Variants in TREML1 observed in about 807,000 individuals in gnomAD.
TREML1 encodes the protein trem-like transcript 1 protein.
In TREML1, 27 loss-of-function variants were observed where a neutral mutation model predicts 22.8. The ratio of observed to expected loss-of-function variants is 1.19; its 90% confidence interval spans 0.87 to 1.64. The LOEUF (loss-of-function observed/expected upper bound fraction) is 1.64. Ranked by LOEUF, TREML1 falls within the 40% of genes most tolerant of loss-of-function variation. The pLI is 0.00. For synonymous variants in TREML1, 153 were observed against 161.9 expected (o/e 0.94, Z 0.42); for missense variants, 356 against 382.0 (o/e 0.93, Z 0.57).
At chr6:41,151,488 G>A in intron 2 of TREML1, 104 bp from the exon 3 acceptor site, 1 of 1,024,708 alleles carries the variant, frequency 9.8e-7, no homozygotes, top group Non-Finnish European at 1.5e-6. Flanking sequence ...GAGGAGTGGA[G>A]CCAAGGAAGG....
Position 41,150,847 on chromosome 6 carries a change from C to T in TREML1, c.540G>A (p.Leu180=), listed in dbSNP as rs894363205. Residue 180 remains leucine (L), a synonymous_variant, in exon 4 of 6, where the codon CTG becomes CTA. Coordinates refer to ENST00000426005, the MANE Select transcript of TREML1 (RefSeq NM_178174.4). ...LVGLLVAAVV[L]FAVMAKRKQG... ...GTTTCCTCTTGGCCATCACAGCAAA[C>T]AGCACCACCGCTGCCACCAGCAGAC... 2.5e-6 allele frequency: 4 copies of T among 1,614,116 alleles called. No individual in the cohort carries two copies. Among genetic ancestry groups the T allele is most frequent in the African/African-American group, 2.7e-5 (2 of 75,028 alleles).
intron 4 of TREML1, 100 bp downstream of exon 4, chr6:41,150,719 C>T: frequency 9.1e-7 from 1 of 1,094,470 alleles, no homozygotes; most frequent in Admixed American, 1.8e-5. Flanking sequence ...CAGGCAAATC[C>T]ATTTGTAGGG....
At chr6:41,155,374 T>TC (rs1286656354), upstream of TREML1, among the ~76,000 whole-genome samples, 389 of 136,028 alleles carry the variant, frequency 2.9e-3, 3 homozygotes, top group Admixed American at 0.016. Context: ...AGAGTAAACG[T>TC]TTCTCTCTCT....
chr6:41,151,029 A>C, intron 3 of TREML1, 122 bp from the exon 4 acceptor site: 1 of 859,376 alleles, frequency 1.2e-6, no homozygotes, highest in Non-Finnish European at 1.9e-6. Flanking sequence ...ATGAAATAGA[A>C]TGAGGGGAGC....
rs1765340848 is a variant in TREML1 at position 41,153,761 on chromosome 6, G to C, written c.373C>G (p.Pro125Ala). Residue 125 changes from proline to alanine, a missense_variant, in exon 2 of 6, where the codon CCA (proline) becomes GCA (alanine). Physicochemically the swap from Pro to Ala is conservative, Grantham distance 27 (BLOSUM62 -1). Transcript: ENST00000426005. Reference protein sequence around the residue: ...LHRVSLNILPPEEEEETHKIG... With the variant: ...LHRVSLNILPAEEEEETHKIG... ...TAGCTGGCCTAGGATAACTCACCTGGGGGCAGTATGTTCAGAGAGACTCTG... is the reference window on the plus strand; with the variant it reads ...TAGCTGGCCTAGGATAACTCACCTGCGGGCAGTATGTTCAGAGAGACTCTG... 1 of 1,602,894 alleles carries C rather than the reference G, an allele frequency of 6.2e-7. No homozygotes were observed. The highest frequency in any genetic ancestry group is 8.5e-7 in the Non-Finnish European group (1 of 1,173,528).
chr6:41,152,821 C>T (rs1349354723), intron 2 of TREML1, among the ~76,000 whole-genome samples: 2 of 151,844 alleles, frequency 1.3e-5, no homozygotes, highest in South Asian at 2.1e-4. Context: ...TGCAGTGAGC[C>T]GATAGTGCCA....
At chr6:41,151,808 A>G (rs912053012) in intron 2 of TREML1, among the ~76,000 whole-genome samples, 1 of 152,148 alleles carries the variant, frequency 6.6e-6, no homozygotes, top group African/African-American at 2.4e-5. Flanking sequence ...ATGGTGACAT[A>G]GCTCCTGGAT....
upstream of TREML1, among the ~76,000 whole-genome samples, chr6:41,154,536 T>C (rs1765372831): frequency 6.6e-6 from 1 of 152,100 alleles, no homozygotes; most frequent in Admixed American, 6.5e-5. Flanking sequence ...CTGCAGGGGC[T>C]GGGGCCCGGC....
intron 4 of TREML1, 128 bp downstream of exon 4, chr6:41,150,691 G>C (rs1561872832): frequency 5.1e-6 from 4 of 784,980 alleles, no homozygotes; most frequent in Non-Finnish European, 6.5e-6. Context: ...AGGATATGGG[G>C]GCCTTGAGAC....
rs747762092 is a variant in TREML1 at position 41,149,917 on chromosome 6, T to C, written c.623A>G (p.Asn208Ser). The C allele has an allele frequency of 9.3e-6, 15 of 1,610,532 alleles. No homozygotes were observed. Among genetic ancestry groups the C allele is most frequent in the Non-Finnish European group, 1.3e-5 (15 of 1,177,626 alleles). The change falls in exon 6 of 6, where the codon AAT (asparagine) becomes AGT (serine). Residue 208 changes from asparagine to serine, a missense_variant and splice_region_variant. Coordinates refer to ENST00000426005, the MANE Select transcript of TREML1 (RefSeq NM_178174.4). ...RFLSSRVSGMNPSSVVHHVSD... is the reference protein window; with the variant it reads ...RFLSSRVSGMSPSSVVHHVSD... ...GACGTGGTGGACCACTGAGGAGGGA[T>C]TCTGTAACAAAAGCAGGCAAGTCAG...
At chr6:41,152,237 G>A (rs1423222685) in intron 2 of TREML1, among the ~76,000 whole-genome samples, 1 of 152,122 alleles carries the variant, frequency 6.6e-6, no homozygotes, top group Non-Finnish European at 1.5e-5. Flanking sequence ...CACCTTCTCT[G>A]AAGCTAAATG....
chr6:41,154,289 G>A lies in TREML1; in HGVS notation c.-1C>T, dbSNP rs1561875182. 2 of 1,613,960 alleles carry A rather than the reference G, an allele frequency of 1.2e-6. No homozygotes were observed. The highest frequency in any genetic ancestry group is 8.5e-7 in the Non-Finnish European group (1 of 1,179,888). On this transcript the variant is annotated 5_prime_UTR_variant, in exon 1 of 6. Transcript: ENST00000426005. ...GCAGCAAGAGCAGGGTGAGGCCCAT[G>A]GCTGGGCAGAGAAATGTCAACTCCT...
intron 2 of TREML1, among the ~76,000 whole-genome samples, chr6:41,153,059 TAAA>T (rs34853146): frequency 1.4e-5 from 2 of 142,930 alleles, no homozygotes; most frequent in African/African-American, 5.2e-5. Context: ...CTATCTTTCT[TAAA>T]AAAAAAAACC....
intron 2 of TREML1, chr6:41,151,604 G>A (rs1765249998): frequency 1.3e-5 from 7 of 551,316 alleles, no homozygotes; most frequent in Non-Finnish European, 2.0e-5. Flanking sequence ...TCTTTACCTG[G>A]TTGTGACTAC....
intron 2 of TREML1, chr6:41,151,722 T>C (rs1024807328): frequency 7.0e-6 from 2 of 285,036 alleles, no homozygotes; most frequent in African/African-American, 2.1e-5. Flanking sequence ...GTTAAGTCTG[T>C]GTAAAAACAC....
chr6:41,149,608 C>G lies in TREML1; in HGVS notation c.932G>C (p.Ser311Thr). ...GTTTAAAGTGTGATGAGCAGCTTAG[C>G]TGGATGGAGTCTGATTGTTAGGTGG... ...QNPPNNQTPSS is the reference protein window; with the variant it reads ...QNPPNNQTPST The change falls in exon 6 of 6, where the codon AGC (serine) becomes ACC (threonine). Residue 311 changes from serine (S) to threonine (T), a missense_variant. Transcript: ENST00000426005. 1 of 1,609,280 alleles carries G rather than the reference C, an allele frequency of 6.2e-7. No homozygotes were observed. Among genetic ancestry groups the G allele is most frequent in the South Asian group, 1.1e-5 (1 of 90,532 alleles).
In TREML1 at chr6:41,151,310, G is replaced by T; in HGVS notation, c.451C>A (p.Pro151Thr). The T allele has an allele frequency of 6.2e-7, 1 of 1,614,166 alleles. No homozygotes were observed. The highest frequency in any genetic ancestry group is 1.3e-5 in the African/African-American group (1 of 75,038). The change falls in exon 3 of 6, where the codon CCT (proline) becomes ACT (threonine). Residue 151 changes from proline to threonine, a missense_variant. By Grantham distance (38) the Pro-to-Thr change is conservative. Coordinates refer to ENST00000426005, the MANE Select transcript of TREML1 (RefSeq NM_178174.4). ...AFSDPAGSAN[P>T]LEPSQDEKSI... Reference sequence around the variant, plus strand: ...TTCTCATCCTGGCTGGGTTCCAAAGGGTTGGCACTGCCTGCAGGGTCTGAG... The same window carrying T: ...TTCTCATCCTGGCTGGGTTCCAAAGTGTTGGCACTGCCTGCAGGGTCTGAG...
chr6:41,149,998 G>T, intron 5 of TREML1, 80 bp from the exon 6 acceptor site: 2 of 1,367,812 alleles, frequency 1.5e-6, no homozygotes, highest in Non-Finnish European at 2.0e-6. Flanking sequence ...GACCACACTA[G>T]ATCTATCTCT....
chr6:41,154,142 C>T (rs745755725), intron 1 of TREML1, 52 bp from the exon 2 acceptor site: 1 of 1,592,746 alleles, frequency 6.3e-7, no homozygotes, highest in Non-Finnish European at 8.6e-7. Flanking sequence ...GAGCATCTCC[C>T]AGCCCAGCTG....
Sources: allele counts gnomAD v4.1 joint callset (sites outside exome capture counted in the v4.1 genomes callset), GRCh38; gene constraint gnomAD v4.1.1; transcripts MANE v1.5; gene names NCBI Gene and HGNC (gene_info 2026-07-23, HGNC 2026-07-21).